Variants in OMD observed in about 807,000 individuals in gnomAD.
OMD encodes the protein KSPG osteomodulin.
OMD carries 19 observed loss-of-function variants against 31.2 expected under a neutral mutation model. The ratio of observed to expected loss-of-function variants is 0.61; its 90% CI spans 0.42 to 0.89. The LOEUF (loss-of-function observed/expected upper bound fraction) is 0.89, where lower values mean the gene tolerates loss of function less well. OMD is among the 40% of genes least tolerant of loss of function. OMD has a pLI of 0.00. For missense variants in OMD, 448 were observed against 490.8 expected (o/e 0.91, Z 0.82); for synonymous variants, 155 against 166.4 (o/e 0.93, Z 0.53).
Position 92,417,496 on chromosome 9 carries a change from T to C in OMD, c.63A>G (p.Gln21=). ...FFFFGVKVHC[Q]YETYQWDEDY... is the part of the protein sequence containing the mutation. ...CTTCATCCCACTGATAAGTTTCATA[T>C]TGGCAATGTACTTTGACTCCAAAAA... The change falls in exon 2 of 3, where the codon CAA becomes CAG. Residue 21 remains glutamine (Q), a synonymous_variant. Coordinates refer to ENST00000375550, the MANE Select transcript of OMD (RefSeq NM_005014.3). The C allele has an allele frequency of 1.2e-6, 2 of 1,613,804 alleles. No individual in the cohort carries two copies. Among genetic ancestry groups the C allele is most frequent in the Non-Finnish European group, 1.7e-6 (2 of 1,179,898 alleles).
intron 1 of OMD, among the ~76,000 whole-genome samples, chr9:92,419,175 A>C (rs1177559495): frequency 2.6e-5 from 4 of 152,114 alleles, no homozygotes; most frequent in Non-Finnish European, 5.9e-5. Context: ...CCAGATGAGA[A>C]GCCTGAAACC....
chr9:92,415,573 ATTCTGTT>A, intron 2 of OMD, 96 bp from the exon 3 acceptor site: 1 of 506,694 alleles, frequency 2.0e-6, no homozygotes, highest in Non-Finnish European at 3.1e-6. Context: ...ATGGGATATA[ATTCTGTT>A]AATTAAAATA....
chr9:92,422,210 C>A (rs1843826158), intron 1 of OMD, among the ~76,000 whole-genome samples: 1 of 152,080 alleles, frequency 6.6e-6, no homozygotes, highest in South Asian at 2.1e-4. Flanking sequence ...ACCACCACGA[C>A]TGGCTACATT....
At chr9:92,419,877 C>T (rs899747174) in intron 1 of OMD, among the ~76,000 whole-genome samples, 4 of 152,094 alleles carry the variant, frequency 2.6e-5, no homozygotes, top group African/African-American at 9.7e-5. Context: ...TATTTTTCAT[C>T]ATTGGTATAA....
intron 1 of OMD, among the ~76,000 whole-genome samples, chr9:92,422,643 C>T (rs1204111338): frequency 1.3e-5 from 2 of 152,228 alleles, no homozygotes; most frequent in East Asian, 1.9e-4. Context: ...CCTCCCTCCA[C>T]GTTCCTAACC....
At position 92,414,415 on chromosome 9, in the gene OMD, G is replaced by A. The variant is rs1843527716; in HGVS notation, c.*737C>T. On this transcript the variant is annotated 3_prime_UTR_variant, in exon 3 of 3. Coordinates refer to ENST00000375550, the MANE Select transcript of OMD (RefSeq NM_005014.3). ...GAACACAATAACATTGTTTAGGATA[G>A]TTGCTGAAATCTGCTAAAATACAAA... 4.9e-6 allele frequency: 1 copy of A among 205,566 alleles called. No individual in the cohort carries two copies. Among genetic ancestry groups the A allele is most frequent in the Admixed American group, 5.9e-5 (1 of 16,872 alleles). 12.7% of individuals were successfully genotyped at this position (205,566 alleles called of 1,614,324 possible).
intron 1 of OMD, among the ~76,000 whole-genome samples, chr9:92,418,307 T>C (rs1023299661): frequency 1.3e-5 from 2 of 149,862 alleles, no homozygotes; most frequent in African/African-American, 4.9e-5. Context: ...GGCTGGTCTC[T>C]AACTCCTGAC....
intron 1 of OMD, among the ~76,000 whole-genome samples, chr9:92,423,578 A>G (rs991444381): frequency 3.3e-5 from 5 of 152,242 alleles, no homozygotes; most frequent in Admixed American, 3.3e-4. Context: ...TTTTTTTGCT[A>G]TTAAAAATAC....
intron 1 of OMD, among the ~76,000 whole-genome samples, chr9:92,419,575 G>A (rs1351630098): frequency 5.3e-5 from 8 of 152,100 alleles, no homozygotes; most frequent in East Asian, 3.9e-4. Flanking sequence ...CTGGGATTAC[G>A]GGCGTGAGCC....
At chr9:92,419,627 C>T (rs1046823737) in intron 1 of OMD, among the ~76,000 whole-genome samples, 7 of 152,126 alleles carry the variant, frequency 4.6e-5, no homozygotes, top group Admixed American at 3.9e-4. Context: ...CCTGCTTATC[C>T]GCCTGGTCGT....
At chr9:92,416,056 G>GTATATATA (rs1403964887) in intron 2 of OMD, among the ~76,000 whole-genome samples, 19 of 83,456 alleles carry the variant, frequency 2.3e-4, no homozygotes, top group Admixed American at 5.8e-4. Context: ...TTATATATGT[G>GTATATATA]TGTATATATA....
At chr9:92,422,984 A>G (rs1020699681) in intron 1 of OMD, among the ~76,000 whole-genome samples, 1 of 151,476 alleles carries the variant, frequency 6.6e-6, no homozygotes, top group Non-Finnish European at 1.5e-5. Context: ...ATCTAATACA[A>G]TGCAGTGTTA....
rs1843905602 is a variant in OMD, at chr9:92,424,389, A to T, written c.-204T>A. The T allele has an allele frequency of 6.6e-6, 1 of 152,172 alleles. No individual in the cohort carries two copies. Among genetic ancestry groups the T allele is most frequent in the African/African-American group, 2.4e-5 (1 of 41,448 alleles). The allele number at this position is 152,172 out of a possible 1,614,324, so 9.4% of individuals were successfully genotyped here. On this transcript the variant is annotated 5_prime_UTR_variant, in exon 1 of 3. Transcript: ENST00000375550. Reference sequence around the variant, plus strand: ...ATCTTCTTGGAAAACACTCGGGTTGAATTAAAATTATGTATTTCTTTTCAT... The same window carrying T: ...ATCTTCTTGGAAAACACTCGGGTTGTATTAAAATTATGTATTTCTTTTCAT...
rs1843629799 is a variant in OMD, at chr9:92,416,866, C to A, written c.693G>T (p.Leu231Phe). 3.1e-6 allele frequency: 5 copies of A among 1,613,902 alleles called. No individual in the cohort carries two copies. Among genetic ancestry groups the A allele is most frequent in the Non-Finnish European group, 4.2e-6 (5 of 1,179,912 alleles). Residue 231 changes from leucine to phenylalanine, a missense_variant, in exon 2 of 3, where the codon TTG becomes TTT. By Grantham distance (22) the Leu-to-Phe change is conservative (BLOSUM62 0). Coordinates refer to ENST00000375550, the MANE Select transcript of OMD (RefSeq NM_005014.3). ...SNRLESMPPGLPSSLMYLSLE... is the reference protein window; with the variant it reads ...SNRLESMPPGFPSSLMYLSLE... Reference sequence around the variant, plus strand: ...AAGACAGATACATAAGTGAAGAAGGCAAACCAGGAGGCATTGATTCTAATC... The same window carrying A: ...AAGACAGATACATAAGTGAAGAAGGAAAACCAGGAGGCATTGATTCTAATC...
chr9:92,416,058 G>GTGTGTGTGTATATATATATATA (rs6151074), intron 2 of OMD, among the ~76,000 whole-genome samples: 7 of 130,908 alleles, frequency 5.3e-5, no homozygotes, highest in South Asian at 2.5e-4. Context: ...ATATATGTGT[G>GTGTGTGTGTATATATATATATA]TATATATATA....
In OMD at chr9:92,415,368, GATGT is replaced by G; in HGVS notation, c.1046_1049del (p.Tyr349SerfsTer26). ...TGTGTATATGAGGGAAGCAGAAGAA[GATGT>G]ATGAGCTTATTGGTTCTTTTAGTTT... On this transcript the variant is annotated frameshift_variant, in exon 3 of 3. Coordinates refer to ENST00000375550, the MANE Select transcript of OMD (RefSeq NM_005014.3). LOFTEE classifies it high-confidence loss of function. 6.2e-7 allele frequency: 1 copy of G among 1,613,474 alleles called. No homozygotes were observed.
rs780716220 is a variant in OMD at position 92,415,239 on chromosome 9, G to A, written c.1179C>T (p.His393=). 11 of 1,613,360 alleles carry A rather than the reference G, an allele frequency of 6.8e-6. No individual in the cohort carries two copies. Among genetic ancestry groups the A allele is most frequent in the Admixed American group, 6.7e-5 (4 of 59,974 alleles). The change falls in exon 3 of 3, where the codon CAC becomes CAT. Residue 393 remains histidine (H), a synonymous_variant. Coordinates refer to ENST00000375550, the MANE Select transcript of OMD (RefSeq NM_005014.3). ...TCTCATGAGCATTGTCAGGATCATC[G>A]TGATCTTCACTTTCATCATCATCAT... ...FPDDDDESED[H]DDPDNAHESP... is the part of the protein sequence containing the mutation.
In OMD at chr9:92,417,247, C is replaced by T. The variant is rs1230940757; in HGVS notation, c.312G>A (p.Glu104=). 6.2e-7 allele frequency: 1 copy of T among 1,613,864 alleles called. No homozygotes were observed. Among genetic ancestry groups the T allele is most frequent in the Non-Finnish European group, 8.5e-7 (1 of 1,179,978 alleles). ...TGATGAATGAATTTGCAGTCACAGCCTCAATTTCATTGAACTGAAGGTAGA... is the reference window on the plus strand; with the variant it reads ...TGATGAATGAATTTGCAGTCACAGCTTCAATTTCATTGAACTGAAGGTAGA... ...QQLYLQFNEI[E]AVTANSFINA... is the part of the protein sequence containing the mutation. Residue 104 remains glutamate (E), a synonymous_variant, in exon 2 of 3, where the codon GAG becomes GAA. Coordinates refer to ENST00000375550, the MANE Select transcript of OMD (RefSeq NM_005014.3).
intron 1 of OMD, among the ~76,000 whole-genome samples, chr9:92,420,048 C>A (rs762961359): frequency 5.9e-5 from 9 of 152,152 alleles, no homozygotes; most frequent in Non-Finnish European, 8.8e-5. Flanking sequence ...GTCAGAGACC[C>A]TTGAGCTCTC....
Sources: gnomAD v4.1 joint callset for allele counts (sites outside exome capture counted in the v4.1 genomes callset) on GRCh38, gnomAD v4.1.1 for gene constraint, MANE v1.5 for transcripts, NCBI Gene and HGNC (gene_info 2026-07-23, HGNC 2026-07-21) for gene names.